DNAH14: variants seen among roughly 807,000 people sequenced by gnomAD.
The protein encoded by DNAH14 is axonemal beta dynein heavy chain 14.
DNAH14 carries 478 observed loss-of-function variants against 520.9 expected under a neutral mutation model. That is an observed-to-expected ratio of 0.92 (90% CI 0.85 to 0.99). DNAH14 has a LOEUF of 0.99. Ranked by LOEUF, DNAH14 falls within the 50% of genes least tolerant of loss-of-function variation. The pLI, the probability that DNAH14 is intolerant of heterozygous loss-of-function variation, is 0.00. For synonymous variants in DNAH14, 1,581 were observed against 1,757.2 expected (o/e 0.90, Z 2.51); for missense variants, 4,831 against 5,234.5 (o/e 0.92, Z 2.38).
chr1:225,217,151 G>C (rs867899437), intron 41 of DNAH14, among the ~76,000 whole-genome samples: 1 of 152,196 alleles, frequency 6.6e-6, no homozygotes, highest in African/African-American at 2.4e-5. Flanking sequence ...AGGTCTGTTG[G>C]AGTTTGCTGG....
intron 64 of DNAH14, among the ~76,000 whole-genome samples, chr1:225,327,108 A>G (rs2094688831): frequency 6.6e-6 from 1 of 152,134 alleles, no homozygotes; most frequent in Non-Finnish European, 1.5e-5. Context: ...AAAGACATAT[A>G]CCATAAAAGC....
At chr1:225,322,929 T>TC in intron 62 of DNAH14, 106 bp downstream of exon 62, 5 of 1,160,418 alleles carry the variant, frequency 4.3e-6, no homozygotes, top group Non-Finnish European at 5.8e-6. Context: ...GAGACTATTT[T>TC]CTAGGAAAAT....
rs1313717652 is a variant in DNAH14 at position 225,038,850 on chromosome 1, CAT to C, written c.1488+29_1488+30del. 2.8e-6 allele frequency: 4 copies of C among 1,437,414 alleles called. No homozygotes were observed. The East Asian group carries it at 8.1e-5, about 29-fold the overall frequency. The allele number at this position is 1,437,414 out of a possible 1,614,324, so 89.0% of individuals were successfully genotyped here. A position where few individuals can be genotyped will look rare whatever the true frequency, so the allele number is the denominator to read the frequency against. On this transcript the variant is annotated intron_variant, in intron 12 of 85. Coordinates refer to ENST00000682510, the MANE Select transcript of DNAH14 (RefSeq NM_001367479.1). The stretch of plus-strand genomic sequence containing the variant: ...TAAAATGATCTTTGAAAAATATAAA[CAT>C]AGATTTTTTGCTATAAAATGAATAC...
intron 10 of DNAH14, among the ~76,000 whole-genome samples, chr1:225,010,129 A>G (rs1181151854): frequency 6.6e-6 from 1 of 152,092 alleles, no homozygotes; most frequent in African/African-American, 2.4e-5. Flanking sequence ...TTCCAATATT[A>G]TGTTGAATAG....
intron 1 of DNAH14, among the ~76,000 whole-genome samples, chr1:224,945,432 G>T (rs141543488): frequency 6.6e-6 from 1 of 151,984 alleles, no homozygotes; most frequent in African/African-American, 2.4e-5. Context: ...TTTGCCATGG[G>T]TTTGAACTTG....
At chr1:225,057,074 CT>C (rs1166964249) in intron 17 of DNAH14, among the ~76,000 whole-genome samples, 1 of 152,160 alleles carries the variant, frequency 6.6e-6, no homozygotes, top group African/African-American at 2.4e-5. Context: ...TGAAGAAAGT[CT>C]TTGGTAGCTT....
chr1:225,080,887 T>A, intron 19 of DNAH14, 139 bp downstream of exon 19: 1 of 852,512 alleles, frequency 1.2e-6, no homozygotes, highest in Non-Finnish European at 1.7e-6. Context: ...TACAGGAGTA[T>A]AGGTAGGAAT....
At chr1:225,182,018 C>T (rs550740075) in intron 36 of DNAH14, among the ~76,000 whole-genome samples, 17 of 151,804 alleles carry the variant, frequency 1.1e-4, no homozygotes, top group Non-Finnish European at 2.1e-4. Context: ...GAAACCCTGT[C>T]TTTACTAAAA....
At chr1:224,994,384 C>A (rs2063257851) in intron 8 of DNAH14, among the ~76,000 whole-genome samples, 1 of 151,952 alleles carries the variant, frequency 6.6e-6, no homozygotes, top group Non-Finnish European at 1.5e-5. Context: ...ATAGTTATGA[C>A]ATATCATCTT....
intron 82 of DNAH14, among the ~76,000 whole-genome samples, chr1:225,388,963 A>C (rs2095872986): frequency 6.6e-6 from 1 of 152,186 alleles, no homozygotes; most frequent in Admixed American, 6.5e-5. Context: ...GGGTTTCACC[A>C]TATTGGCTGG....
In DNAH14 at chr1:225,331,485, G is replaced by A. The variant is rs1346026789; in HGVS notation, c.9772G>A (p.Ala3258Thr). 35 of 1,551,378 alleles carry A rather than the reference G, an allele frequency of 2.3e-5. No homozygotes were observed. The highest frequency in any genetic ancestry group is 2.7e-5 in the Non-Finnish European group (31 of 1,146,882). Residue 3258 changes from alanine (A) to threonine (T), a missense_variant, in exon 65 of 86, where the codon GCT becomes ACT. Transcript: ENST00000682510. ...ACAGGCAGCTTACAAAGATACCGTT[G>A]CTGAAAAACAACTATTAGCAAATCG... Reference protein sequence around the residue: ...FLQAAYKDTVAEKQLLANRKT... With the variant: ...FLQAAYKDTVTEKQLLANRKT...
intron 54 of DNAH14, among the ~76,000 whole-genome samples, chr1:225,280,932 C>G (rs2093615387): frequency 6.6e-6 from 1 of 152,110 alleles, no homozygotes; most frequent in Non-Finnish European, 1.5e-5. Context: ...AGATAAACAG[C>G]TCTGATAATT....
At chr1:225,161,714 G>A (rs956849580) in intron 35 of DNAH14, among the ~76,000 whole-genome samples, 7 of 152,160 alleles carry the variant, frequency 4.6e-5, no homozygotes, top group African/African-American at 1.2e-4. Context: ...ACTGGGGTGA[G>A]ATGATATCTC....
intron 73 of DNAH14, among the ~76,000 whole-genome samples, chr1:225,356,541 T>C (rs2095431286): frequency 6.6e-6 from 1 of 152,186 alleles, no homozygotes; most frequent in African/African-American, 2.4e-5. Context: ...ATTATTGACA[T>C]AGTAGTGACA....
chr1:225,061,967 T>A (rs537552978), intron 17 of DNAH14, among the ~76,000 whole-genome samples: 5 of 152,180 alleles, frequency 3.3e-5, no homozygotes, highest in Non-Finnish European at 7.3e-5. Flanking sequence ...AAGACTGGAC[T>A]TAACCTCCTT....
At chr1:225,262,534 A>G (rs598469) in intron 46 of DNAH14, among the ~76,000 whole-genome samples, 30,893 of 151,938 alleles carry the variant, frequency 0.2, 3,310 homozygotes, top group East Asian at 0.37. Context: ...GTAAGAGATA[A>G]GAATCCAGTT....
intron 52 of DNAH14, among the ~76,000 whole-genome samples, chr1:225,273,998 C>T (rs1013523811): frequency 2.0e-5 from 3 of 152,110 alleles, no homozygotes; most frequent in East Asian, 1.9e-4. Flanking sequence ...AACATGTGTG[C>T]GAGTGTGTCT....
At chr1:225,028,750 G>A (rs1476606979) in intron 11 of DNAH14, among the ~76,000 whole-genome samples, 1 of 151,954 alleles carries the variant, frequency 6.6e-6, no homozygotes, top group Non-Finnish European at 1.5e-5. Flanking sequence ...ATCACAATGA[G>A]ACACTTTTAC....
Position 225,081,452 on chromosome 1 carries a change from G to A in DNAH14, c.3136+704G>A, listed in dbSNP as rs115559871. 5.0e-3 allele frequency among the ~76,000 whole-genome samples: 765 copies of A among 152,242 alleles called. 6 individuals carry two copies. Among genetic ancestry groups the A allele is most frequent in the African/African-American group, 0.017 (722 of 41,562 alleles). On this transcript the variant is annotated intron_variant, in intron 19 of 85. Coordinates refer to ENST00000682510, the MANE Select transcript of DNAH14 (RefSeq NM_001367479.1). ...AGTCTCAAGGCTTTAACATAACACT[G>A]ATTGTGTGCATCCCCTCTCAATATT...
Sources: allele counts gnomAD v4.1 joint callset (sites outside exome capture counted in the v4.1 genomes callset), GRCh38; gene constraint gnomAD v4.1.1; transcripts MANE v1.5; gene names NCBI Gene and HGNC (gene_info 2026-07-23, HGNC 2026-07-21).